Variants in EML3 observed in about 807,000 individuals in gnomAD.
The protein encoded by EML3 is EMAP like 3.
Under a neutral mutation model 106.7 loss-of-function variants are expected in EML3, and 53 were observed. That is an observed-to-expected ratio of 0.50 (90% CI 0.40 to 0.62). EML3 has a LOEUF of 0.62. Ranked by LOEUF, EML3 falls within the 20% of genes least tolerant of loss-of-function variation. The pLI, the probability that EML3 is intolerant of heterozygous loss-of-function variation, is 0.00. For missense variants in EML3, 994 were observed against 1,209.1 expected (o/e 0.82, Z 2.64); for synonymous variants, 499 against 489.6 (o/e 1.02, Z -0.25).
intron 19 of EML3, 52 bp downstream of exon 19, chr11:62,603,677 C>A (rs1301157803): frequency 1.3e-6 from 2 of 1,535,100 alleles, no homozygotes; most frequent in Non-Finnish European, 1.8e-6. Context: ...CCCCCCTACA[C>A]AAAACCCACT....
Position 62,608,601 on chromosome 11 carries a change from G to A in EML3, c.1051C>T (p.Gln351Ter). 1 of 1,614,242 alleles carries A rather than the reference G, an allele frequency of 6.2e-7. No individual in the cohort carries two copies. Among genetic ancestry groups the A allele is most frequent in the African/African-American group, 1.3e-5 (1 of 75,058 alleles). Residue 351 changes from glutamine to a stop codon, truncating the protein, a stop_gained, in exon 9 of 22, where the codon CAG becomes TAG. Transcript: ENST00000394773. LOFTEE classifies it high-confidence loss of function. ...TCGAAGGCCCCCAGTCCAATCTCCT[G>A]CAGTTTCAACAGCGTCTCTGAGTCC... Reference protein sequence around the residue: ...IWDSETLLKLQEIGLGAFERG... With the variant: ...IWDSETLLKL
In EML3 at chr11:62,609,649, C is replaced by T. The variant is rs1352985280; in HGVS notation, c.614G>A (p.Arg205Gln). 6 of 1,608,614 alleles carry T rather than the reference C, an allele frequency of 3.7e-6. No homozygotes were observed. The highest frequency in any genetic ancestry group is 5.1e-6 in the Non-Finnish European group (6 of 1,177,634). The change falls in exon 5 of 22, where the codon CGG becomes CAG. Residue 205 changes from arginine to glutamine, a missense_variant. This residue lies in a region of EML3 where 269 missense variants were observed against 265.1 expected (regional missense o/e 1.01). Coordinates refer to ENST00000394773, the MANE Select transcript of EML3 (RefSeq NM_153265.3). ...CATACCCAAATTGTAATTGCTCCTC[C>T]GAGATCCAGGGCCCCCAGGGCTGGA... ...PLSSPGGPGS[R>Q]RSNYNLEGIS...
At position 62,612,655 on chromosome 11, in the gene EML3, C is replaced by A. The variant is rs1417393026; in HGVS notation, c.-198G>T. On this transcript the variant is annotated 5_prime_UTR_variant, in exon 1 of 22. Coordinates refer to ENST00000394773, the MANE Select transcript of EML3 (RefSeq NM_153265.3). ...GGGCCCGGGGCCGCAGTCTCCAGAC[C>A]CCCCCGGGCCCTCGGACTCTCCCGG... 9 of 423,692 alleles carry A rather than the reference C, an allele frequency of 2.1e-5. No individual in the cohort carries two copies. Among genetic ancestry groups the A allele is most frequent in the African/African-American group, 8.4e-5 (4 of 47,840 alleles). The allele number at this position is 423,692 out of a possible 1,614,324, so 26.2% of individuals were successfully genotyped here. A position where few individuals can be genotyped will look rare whatever the true frequency, so the allele number is the denominator to read the frequency against.
chr11:62,606,338 A>G, intron 12 of EML3, 124 bp from the exon 13 acceptor site: 1 of 1,087,320 alleles, frequency 9.2e-7, no homozygotes, highest in Admixed American at 2.6e-5. Flanking sequence ...ACTATGTCTC[A>G]TCCTCATACT....
rs1159619092 is a variant in EML3 at position 62,605,874 on chromosome 11, C to T, written c.1763G>A (p.Gly588Asp). The change falls in exon 14 of 22, where the codon GGC (glycine) becomes GAC (aspartate). Residue 588 changes from glycine to aspartate, a missense_variant. Around this residue, in one of 3 missense-constraint regions of EML3, gnomAD observed 713 missense variants for 920.5 expected, o/e 0.77. Coordinates refer to ENST00000394773, the MANE Select transcript of EML3 (RefSeq NM_153265.3). The surrounding 1 kb of genome is among the most constrained non-coding windows in gnomAD (Gnocchi z 5.2). ...CCCAACCTGGATTACAGGGGAGAAGCCCTGGGCCAGGTCTCCCCTCAGCAA... is the reference window on the plus strand; with the variant it reads ...CCCAACCTGGATTACAGGGGAGAAGTCCTGGGCCAGGTCTCCCCTCAGCAA... ...NALLRGDLAQ[G>D]FSPVIQGHTD... 11 of 1,614,074 alleles carry T rather than the reference C, an allele frequency of 6.8e-6. No individual in the cohort carries two copies. Among genetic ancestry groups the T allele is most frequent in the Non-Finnish European group, 9.3e-6 (11 of 1,180,036 alleles).
chr11:62,608,421 T>C, intron 9 of EML3, 121 bp downstream of exon 9: 1 of 1,343,314 alleles, frequency 7.4e-7, no homozygotes, highest in East Asian at 2.3e-5. Context: ...CATGGCCCTT[T>C]CTCAAGAGAA....
chr11:62,602,234 T>C lies in EML3; in HGVS notation c.*241A>G. The C allele has an allele frequency of 6.5e-7, 1 of 1,535,750 alleles. No homozygotes were observed. Among genetic ancestry groups the C allele is most frequent in the Non-Finnish European group, 8.8e-7 (1 of 1,138,692 alleles). ...CACCGGGAGGCGACTTTGGTTCTGG[T>C]TTATTGCCCCTCAGCAGGCAGCGGG... On this transcript the variant is annotated 3_prime_UTR_variant, in exon 22 of 22. Coordinates refer to ENST00000394773, the MANE Select transcript of EML3 (RefSeq NM_153265.3).
rs561491441 is a variant in EML3, at chr11:62,608,389, G to C, written c.1111-93C>G. On this transcript the variant is annotated intron_variant, in intron 9 of 21. Transcript: ENST00000394773. ...GTTAAGAGGTACCATCACAGATGGA[G>C]AGGGCAGAAAAAGTTGACACACATG... 15 of 1,399,756 alleles carry C rather than the reference G, an allele frequency of 1.1e-5. No homozygotes were observed. In the East Asian group the frequency reaches 3.0e-4, roughly 28 times the overall value. 86.7% of individuals were successfully genotyped at this position (1,399,756 alleles called of 1,614,324 possible).
chr11:62,609,230 G>A, intron 6 of EML3, 98 bp from the exon 7 acceptor site: 2 of 1,574,710 alleles, frequency 1.3e-6, no homozygotes, highest in Non-Finnish European at 1.7e-6. Context: ...GCCTAGAGCA[G>A]AATGATGGTA....
intron 11 of EML3, 137 bp downstream of exon 11, chr11:62,607,529 C>T: frequency 9.6e-7 from 1 of 1,038,580 alleles, no homozygotes; most frequent in Non-Finnish European, 1.4e-6. Context: ...AAGAGCAAGA[C>T]TCCGTCTCAA....
In EML3 at chr11:62,609,161, G is replaced by A. The variant is rs200310156; in HGVS notation, c.759-29C>T. 199 of 1,610,758 alleles carry A rather than the reference G, an allele frequency of 1.2e-4. No homozygotes were observed. In the East Asian group the frequency reaches 4.0e-3, roughly 32 times the overall value. On this transcript the variant is annotated intron_variant, in intron 6 of 21. Coordinates refer to ENST00000394773, the MANE Select transcript of EML3 (RefSeq NM_153265.3). The stretch of plus-strand genomic sequence containing the variant: ...GGGTGGAGATCACGGTCAAGGAAAG[G>A]GTTAGATCAAGGGCAGGAGGAGGAA...
chr11:62,604,873 G>A, intron 16 of EML3: 1 of 379,232 alleles, frequency 2.6e-6, no homozygotes, highest in South Asian at 3.6e-5. Flanking sequence ...TCTATCCTGG[G>A]CTGCTGCCTC....
At position 62,609,417 on chromosome 11, in the gene EML3, C is replaced by G; in HGVS notation, c.695G>C (p.Gly232Ala). 3 of 1,601,974 alleles carry G rather than the reference C, an allele frequency of 1.9e-6. No individual in the cohort carries two copies. Among genetic ancestry groups the G allele is most frequent in the Non-Finnish European group, 2.6e-6 (3 of 1,173,754 alleles). ...CGGCAGCTCCTCAAGGCTGCGGATGCCAGACGGGATGTACATGGTAATGGG... is the reference window on the plus strand; with the variant it reads ...CGGCAGCTCCTCAAGGCTGCGGATGGCAGACGGGATGTACATGGTAATGGG... ...GRPITMYIPS[G>A]IRSLEELPSG... The change falls in exon 6 of 22, where the codon GGC becomes GCC. Residue 232 changes from glycine to alanine, a missense_variant. Gly to Ala is a moderately conservative substitution (Grantham distance 60). Coordinates refer to ENST00000394773, the MANE Select transcript of EML3 (RefSeq NM_153265.3).
In EML3 at chr11:62,602,480, C is replaced by A. The variant is rs1379493915; in HGVS notation, c.2686G>T (p.Val896Phe). ...TCGGTCCCGCCAGGCAGCGATCAAA[C>A]GTCGAGGGAGGAGGCGGGGGACAGG... ...PSLSPASSLD[V>F] Residue 896 changes from valine (V) to phenylalanine (F), a missense_variant, in exon 22 of 22, where the codon GTT becomes TTT. By Grantham distance (50) the Val-to-Phe change is conservative. Coordinates refer to ENST00000394773, the MANE Select transcript of EML3 (RefSeq NM_153265.3). The A allele has an allele frequency of 6.5e-7, 1 of 1,536,544 alleles. No individual in the cohort carries two copies. Among genetic ancestry groups the A allele is most frequent in the Non-Finnish European group, 8.8e-7 (1 of 1,139,156 alleles).
Position 62,603,787 on chromosome 11 carries a change from G to C in EML3, c.2199C>G (p.Asp733Glu). ...MGHSSFITHL[D>E]WSKDGNFIMS... ...TGATGAAATTCCCATCCTTGGACCA[G>C]TCAAGATGAGTGATGAAGCTGGAGT... is the stretch of plus-strand genomic sequence containing the variant. Residue 733 changes from aspartate to glutamate, a missense_variant, in exon 19 of 22, where the codon GAC (aspartate) becomes GAG (glutamate). By Grantham distance (45) the Asp-to-Glu change is conservative (BLOSUM62 2). Around this residue, in one of 3 missense-constraint regions of EML3, gnomAD observed 713 missense variants for 920.5 expected, o/e 0.77. Transcript: ENST00000394773. The C allele has an allele frequency of 6.2e-7, 1 of 1,614,158 alleles. No individual in the cohort carries two copies.
chr11:62,604,239 A>G, intron 16 of EML3, 38 bp from the exon 17 acceptor site: 1 of 1,606,322 alleles, frequency 6.2e-7, no homozygotes, highest in Non-Finnish European at 8.5e-7. Context: ...AGGAAGACGA[A>G]AAGGCAGGAT....
Position 62,607,798 on chromosome 11 carries a change from G to A in EML3, c.1230C>T (p.Ala410=), listed in dbSNP as rs369283174. 1.7e-5 allele frequency: 28 copies of A among 1,613,812 alleles called. No individual in the cohort carries two copies. The Admixed American group carries it at 1.8e-4, about 11-fold the overall frequency. Residue 410 remains alanine (A), a synonymous_variant, in exon 11 of 22, where the codon GCC becomes GCT. Transcript: ENST00000394773. ...EIKSTNDSVL[A]VGFNPRDSSC... is the part of the protein sequence containing the mutation. ...TGCTGTCACGAGGGTTGAAGCCAAC[G>A]GCCAGGACTGAGTCATTTGTACTCT...
At position 62,610,971 on chromosome 11, in the gene EML3, G is replaced by A; in HGVS notation, c.474C>T (p.Ser158=). Residue 158 remains serine, a synonymous_variant, in exon 4 of 22, where the codon TCC becomes TCT. Coordinates refer to ENST00000394773, the MANE Select transcript of EML3 (RefSeq NM_153265.3). ...GAGGCCGCTCTGAGGGGGATGAGGAGGAGGAAGAATTTCTTCGCGGCCTGG... is the reference window on the plus strand; with the variant it reads ...GAGGCCGCTCTGAGGGGGATGAGGAAGAGGAAGAATTTCTTCGCGGCCTGG... The part of the protein sequence containing the change: ...RADTPRRNSS[S]SSSPSERPRQ... The A allele has an allele frequency of 6.2e-7, 1 of 1,613,798 alleles. No homozygotes were observed. The highest frequency in any genetic ancestry group is 8.5e-7 in the Non-Finnish European group (1 of 1,179,978).
Position 62,610,892 on chromosome 11 carries a change from C to T in EML3, c.553G>A (p.Gly185Arg), listed in dbSNP as rs1298866239. The part of the protein sequence containing the change: ...ISSANLLVRS[G>R]STESRGGKDP... ...AGCCTCACCCACCTCTCTGTGCTCC[C>T]GGACCGCACTAACAGGTTGGCGGAG... is the stretch of plus-strand genomic sequence containing the variant. Residue 185 changes from glycine to arginine, a missense_variant, in exon 4 of 22, where the codon GGG (glycine) becomes AGG (arginine). Coordinates refer to ENST00000394773, the MANE Select transcript of EML3 (RefSeq NM_153265.3). 5 of 1,611,492 alleles carry T rather than the reference C, an allele frequency of 3.1e-6. No individual in the cohort carries two copies. The highest frequency in any genetic ancestry group is 1.3e-5 in the African/African-American group (1 of 74,944).
Sources: gnomAD v4.1 joint callset for allele counts on GRCh38, gnomAD v4.1.1 for gene constraint, gnomAD v4.1.1 regional missense constraint, Gnocchi (gnomAD v3.1) non-coding constraint, MANE v1.5 for transcripts, NCBI Gene and HGNC (gene_info 2026-07-23, HGNC 2026-07-21) for gene names.